The following KCNQ5 variants were observed in gnomAD, a reference collection of about 807,000 sequenced individuals.
KCNQ5 encodes potassium voltage-gated channel subfamily KQT member 5.
KCNQ5 carries 30 observed loss-of-function variants against 98.2 expected under a neutral mutation model. The ratio of observed to expected loss-of-function variants is 0.31; its 90% CI spans 0.23 to 0.41. The LOEUF (loss-of-function observed/expected upper bound fraction) is 0.41. Among genes scored for constraint, KCNQ5 ranks in the 10% least tolerant of loss-of-function variants. KCNQ5 has a pLI of 1.00. For missense variants in KCNQ5, 835 were observed against 1,182.5 expected (o/e 0.71, Z 4.31); for synonymous variants, 458 against 449.4 (o/e 1.02, Z -0.24).
chr6:73,044,921 A>G (rs926905605), intron 3 of KCNQ5, among the ~76,000 whole-genome samples: 3 of 152,218 alleles, frequency 2.0e-5, no homozygotes, highest in Non-Finnish European at 4.4e-5. Flanking sequence ...ATTCGAGAAA[A>G]GAACATAGAA....
intron 1 of KCNQ5, among the ~76,000 whole-genome samples, chr6:72,977,932 T>C (rs1262355594): frequency 6.6e-6 from 1 of 152,212 alleles, no homozygotes; most frequent in Non-Finnish European, 1.5e-5. Flanking sequence ...CCCTGAATAC[T>C]ACATGTTGAA....
chr6:72,738,280 A>G (rs975470032), intron 1 of KCNQ5, among the ~76,000 whole-genome samples: 14 of 152,170 alleles, frequency 9.2e-5, no homozygotes, highest in African/African-American at 2.9e-4. Context: ...TCTCAGATTC[A>G]AAACAGCCTC....
At chr6:72,675,266 A>T (rs1382699262) in intron 1 of KCNQ5, among the ~76,000 whole-genome samples, 1 of 152,182 alleles carries the variant, frequency 6.6e-6, no homozygotes, top group African/African-American at 2.4e-5. Context: ...GTAGTCATGA[A>T]CATATTTGTT....
intron 8 of KCNQ5, 85 bp from the exon 9 acceptor site, chr6:73,124,401 C>A (rs1775864409): frequency 1.7e-6 from 2 of 1,210,426 alleles, no homozygotes; most frequent in South Asian, 1.2e-5. Context: ...TTTGATTCCC[C>A]AATCTCCAAT....
intron 9 of KCNQ5, 147 bp from the exon 10 acceptor site, chr6:73,133,274 A>G: frequency 1.5e-6 from 1 of 667,118 alleles, no homozygotes; most frequent in Non-Finnish European, 2.6e-6. Flanking sequence ...AATTTTAAAT[A>G]AGGGAAAAAT....
At chr6:72,957,505 T>C (rs1224846821) in intron 1 of KCNQ5, among the ~76,000 whole-genome samples, 1 of 152,112 alleles carries the variant, frequency 6.6e-6, no homozygotes, top group Non-Finnish European at 1.5e-5. Flanking sequence ...TACCAAGGCC[T>C]CGCTCCCAGG....
chr6:72,815,148 T>C (rs980291618), intron 1 of KCNQ5, among the ~76,000 whole-genome samples: 1 of 152,084 alleles, frequency 6.6e-6, no homozygotes, highest in Non-Finnish European at 1.5e-5. Context: ...AGAATCAGCT[T>C]TTACTCTCAA....
At chr6:73,094,974 C>T (rs895458085) in intron 5 of KCNQ5, among the ~76,000 whole-genome samples, 3 of 152,172 alleles carry the variant, frequency 2.0e-5, no homozygotes, top group Non-Finnish European at 2.9e-5. Context: ...AGGTCTCTAG[C>T]AATGCTGGGG....
chr6:72,728,081 A>G (rs1322980962), intron 1 of KCNQ5, among the ~76,000 whole-genome samples: 2 of 152,224 alleles, frequency 1.3e-5, no homozygotes, highest in Non-Finnish European at 2.9e-5. Context: ...GCCAAGCCTA[A>G]TAACAGTGAG....
intron 1 of KCNQ5, among the ~76,000 whole-genome samples, chr6:72,877,801 C>T (rs1778477053): frequency 6.6e-6 from 1 of 152,216 alleles, no homozygotes; most frequent in African/African-American, 2.4e-5. Context: ...ATTTGCATTT[C>T]TCTAACGGCC....
intron 5 of KCNQ5, among the ~76,000 whole-genome samples, chr6:73,093,017 G>T (rs2150406901): frequency 6.6e-6 from 1 of 152,198 alleles, no homozygotes; most frequent in South Asian, 2.1e-4. Flanking sequence ...GTAGAATTCT[G>T]CTGTGAATCC....
At chr6:72,675,317 A>C (rs1442172655) in intron 1 of KCNQ5, among the ~76,000 whole-genome samples, 2 of 152,230 alleles carry the variant, frequency 1.3e-5, no homozygotes, top group Admixed American at 6.5e-5. Flanking sequence ...ACTTCTAAGG[A>C]ACTGCAAAAT....
chr6:72,847,932 G>A (rs1777085403), intron 1 of KCNQ5, among the ~76,000 whole-genome samples: 1 of 151,646 alleles, frequency 6.6e-6, no homozygotes, highest in African/African-American at 2.4e-5. Flanking sequence ...AAATTTACTG[G>A]TATAATCAAA....
chr6:72,643,575 C>T (rs574308998), intron 1 of KCNQ5, among the ~76,000 whole-genome samples: 2 of 152,162 alleles, frequency 1.3e-5, no homozygotes, highest in African/African-American at 4.8e-5. Context: ...AAATGCTCAT[C>T]GGAGCATTTC....
intron 1 of KCNQ5, among the ~76,000 whole-genome samples, chr6:72,674,782 T>C (rs1026935344): frequency 6.6e-6 from 1 of 152,072 alleles, no homozygotes; most frequent in Middle Eastern, 3.4e-3. Flanking sequence ...AATAAATAAA[T>C]AAATAAATAA....
intron 2 of KCNQ5, among the ~76,000 whole-genome samples, chr6:73,025,623 CAAAAAAAAAAAAAAA>C (rs58607159): frequency 0.3 from 15,905 of 52,252 alleles, 2,144 homozygotes; most frequent in Admixed American, 0.42. Context: ...AACTCCATCT[CAAAAAAAAAAAAAAA>C]AAAAAAAAAA....
At chr6:72,721,401 T>A (rs1355017258) in intron 1 of KCNQ5, among the ~76,000 whole-genome samples, 1 of 152,090 alleles carries the variant, frequency 6.6e-6, no homozygotes, top group Non-Finnish European at 1.5e-5. Context: ...ACACTTTTGA[T>A]TTGCACTTTT....
At chr6:73,148,938 A>C (rs1777032323) in intron 10 of KCNQ5, among the ~76,000 whole-genome samples, 1 of 152,220 alleles carries the variant, frequency 6.6e-6, no homozygotes, top group South Asian at 2.1e-4. Context: ...CTCAGGAAAA[A>C]TAGTTTTTTG....
At chr6:72,735,667 T>G (rs976685668) in intron 1 of KCNQ5, among the ~76,000 whole-genome samples, 3 of 152,078 alleles carry the variant, frequency 2.0e-5, no homozygotes, top group African/African-American at 7.2e-5. Flanking sequence ...GTCATTCCTC[T>G]AGATTTAGAA....
Sources: gnomAD v4.1 joint callset for allele counts (sites outside exome capture counted in the v4.1 genomes callset) on GRCh38, gnomAD v4.1.1 for gene constraint, MANE v1.5 for transcripts, NCBI Gene and HGNC (gene_info 2026-07-23, HGNC 2026-07-21) for gene names.